Variants in MROH7 observed in about 807,000 individuals in gnomAD.
MROH7 encodes maestro heat-like repeat-containing protein family member 7.
Under a neutral mutation model 129.2 loss-of-function variants are expected in MROH7, and 113 were observed. That is an observed-to-expected ratio of 0.87 (90% CI 0.75 to 1.02). MROH7 has a LOEUF of 1.02. Among genes scored for constraint, MROH7 ranks in the 50% least tolerant of loss-of-function variants. The pLI, the probability that MROH7 is intolerant of heterozygous loss-of-function variation, is 0.00. For synonymous variants in MROH7, 655 were observed against 667.9 expected (o/e 0.98, Z 0.30); for missense variants, 1,601 against 1,671.3 (o/e 0.96, Z 0.73).
intron 10 of MROH7, among the ~76,000 whole-genome samples, chr1:54,678,427 A>G (rs498831): frequency 0.83 from 126,651 of 152,220 alleles, 52,891 homozygotes; most frequent in East Asian, 1. Context: ...AATGTTGAGC[A>G]GAAGAAGACA....
chr1:54,706,310 T>C (rs1468460058), intron 21 of MROH7, 125 bp from the exon 22 acceptor site: 2 of 708,042 alleles, frequency 2.8e-6, no homozygotes, highest in Admixed American at 2.2e-5. Context: ...GGGGGACTCA[T>C]GCAGAGGGAG....
intron 22 of MROH7, among the ~76,000 whole-genome samples, chr1:54,707,046 G>A (rs113706327): frequency 1.8e-4 from 27 of 152,314 alleles, no homozygotes; most frequent in African/African-American, 6.0e-4. Context: ...TAAAAGGGGA[G>A]GGATGGCACA....
intron 11 of MROH7, 48 bp from the exon 12 acceptor site, chr1:54,679,215 G>A: frequency 6.2e-7 from 1 of 1,602,254 alleles, no homozygotes; most frequent in Non-Finnish European, 8.6e-7. Context: ...GAAGCTCAAA[G>A]CTCGGGCTAC....
At chr1:54,695,599 C>G in intron 17 of MROH7, 109 bp downstream of exon 17, 1 of 761,894 alleles carries the variant, frequency 1.3e-6, no homozygotes. Context: ...CAAAGCCTTC[C>G]CATGGGCATG....
At chr1:54,686,689 A>G (rs1645153923) in intron 15 of MROH7, among the ~76,000 whole-genome samples, 2 of 152,196 alleles carry the variant, frequency 1.3e-5, no homozygotes, top group South Asian at 4.1e-4. Context: ...AGCCCTCCCC[A>G]AGGAGTTCAC....
Position 54,680,033 on chromosome 1 carries a change from TC to T in MROH7, c.2372del (p.Pro791HisfsTer2). On this transcript the variant is annotated frameshift_variant, in exon 13 of 24. Coordinates refer to ENST00000421030, the MANE Select transcript of MROH7 (RefSeq NM_001039464.4). LOFTEE classifies it high-confidence loss of function. ...GTGGTGGCCCTGCTCATGTGCCCCC[TC>T]CCACTGAACAGGTACCAAGTGAAGG... is the stretch of plus-strand genomic sequence containing the variant. Reference protein sequence around the residue: ...EVVVALLMCPLPLNSNGAEMW... With the variant: ...EVVVALLMCPXPLNSNGAEMW... The T allele has an allele frequency of 6.2e-7, 1 of 1,613,822 alleles. No individual in the cohort carries two copies. Among genetic ancestry groups the T allele is most frequent in the Non-Finnish European group, 8.5e-7 (1 of 1,179,900 alleles).
intron 17 of MROH7, 31 bp from the exon 18 acceptor site, chr1:54,700,290 C>A: frequency 6.2e-7 from 1 of 1,613,738 alleles, no homozygotes; most frequent in East Asian, 2.2e-5. Flanking sequence ...CCCCCCTCAG[C>A]CTGGGAAGTA....
intron 3 of MROH7, among the ~76,000 whole-genome samples, chr1:54,663,413 C>T (rs1644761221): frequency 6.6e-6 from 1 of 152,050 alleles, no homozygotes; most frequent in African/African-American, 2.4e-5. Context: ...TGCTCTGTTG[C>T]CTCAGCTGGA....
chr1:54,704,506 C>T lies in MROH7; in HGVS notation c.3564+1761C>T, dbSNP rs540497146. Reference sequence around the variant, plus strand: ...TGGAGTGCAGTGAGTGGTGCGATCTCGGCTCACTGCAACCTCCACCTTAGG... The same window carrying T: ...TGGAGTGCAGTGAGTGGTGCGATCTTGGCTCACTGCAACCTCCACCTTAGG... On this transcript the variant is annotated intron_variant, in intron 21 of 23. Transcript: ENST00000421030. Among the ~76,000 whole-genome samples the T allele has an allele frequency of 3.4e-5, 5 of 146,724 alleles. No homozygotes were observed. In the South Asian group the frequency reaches 8.7e-4, roughly 25 times the overall value.
intron 3 of MROH7, among the ~76,000 whole-genome samples, chr1:54,660,245 GT>G (rs1557696502): frequency 6.6e-6 from 1 of 152,146 alleles, no homozygotes; most frequent in African/African-American, 2.4e-5. Context: ...CTACATGGTG[GT>G]AGGTGGAAGG....
intron 11 of MROH7, 35 bp from the exon 12 acceptor site, chr1:54,679,228 A>AGC (rs1645029108): frequency 3.7e-6 from 6 of 1,611,932 alleles, no homozygotes; most frequent in South Asian, 2.2e-5. Context: ...CGGGCTACCC[A>AGC]TCAGTGTGTC....
intron 14 of MROH7, among the ~76,000 whole-genome samples, chr1:54,683,156 G>C (rs1645097320): frequency 1.3e-5 from 2 of 152,136 alleles, no homozygotes; most frequent in Non-Finnish European, 2.9e-5. Flanking sequence ...GGGCACTATA[G>C]CAAGACCTCT....
chr1:54,648,154 G>A (rs186124748), intron 1 of MROH7, among the ~76,000 whole-genome samples: 1 of 151,902 alleles, frequency 6.6e-6, no homozygotes, highest in Non-Finnish European at 1.5e-5. Flanking sequence ...AAAGTGCTGA[G>A]ATTATAGACG....
chr1:54,691,489 C>T (rs569371604), intron 15 of MROH7, among the ~76,000 whole-genome samples: 110 of 152,246 alleles, frequency 7.2e-4, no homozygotes, highest in Middle Eastern at 6.8e-3. Flanking sequence ...TTATTCTATA[C>T]AGTGTCAGTT....
intron 10 of MROH7, 143 bp from the exon 11 acceptor site, chr1:54,678,599 C>T (rs1392805541): frequency 1.6e-6 from 1 of 612,658 alleles, no homozygotes; most frequent in African/African-American, 1.8e-5. Flanking sequence ...CGTTCTGCTT[C>T]TTGACTTGGG....
chr1:54,653,737 A>G lies in MROH7; in HGVS notation c.811A>G (p.Ser271Gly), dbSNP rs199971430. 454 of 1,614,096 alleles carry G rather than the reference A, an allele frequency of 2.8e-4. No homozygotes were observed. The highest frequency in any genetic ancestry group is 3.4e-4 in the Non-Finnish European group (401 of 1,180,050). The change falls in exon 3 of 24, where the codon AGT becomes GGT. Residue 271 changes from serine to glycine, a missense_variant. Coordinates refer to ENST00000421030, the MANE Select transcript of MROH7 (RefSeq NM_001039464.4). ...KGAFSTTWST[S>G]SKETMNVASS... is the part of the protein sequence containing the mutation. ...AGCCTTTAGTACCACCTGGAGCACA[A>G]GTTCAAAGGAAACCATGAATGTGGC...
chr1:54,681,186 G>C (rs1238207870), intron 13 of MROH7, among the ~76,000 whole-genome samples: 1 of 152,194 alleles, frequency 6.6e-6, no homozygotes, highest in Non-Finnish European at 1.5e-5. Context: ...CTTCCTTCAA[G>C]TTGGCACCCT....
chr1:54,642,584 C>T (rs1197417684), intron 1 of MROH7, among the ~76,000 whole-genome samples: 1 of 152,084 alleles, frequency 6.6e-6, no homozygotes, highest in Non-Finnish European at 1.5e-5. Flanking sequence ...TTGAATCCAG[C>T]CTCTACCACT....
intron 15 of MROH7, among the ~76,000 whole-genome samples, chr1:54,688,803 A>G (rs890514305): frequency 6.6e-6 from 1 of 152,192 alleles, no homozygotes; most frequent in East Asian, 1.9e-4. Context: ...ACAAGGGGAA[A>G]AAAAGGAGGC....
Sources: allele counts gnomAD v4.1 joint callset (sites outside exome capture counted in the v4.1 genomes callset), GRCh38; gene constraint gnomAD v4.1.1; transcripts MANE v1.5; gene names NCBI Gene and HGNC (gene_info 2026-07-23, HGNC 2026-07-21).